The following KSR2 variants were observed in gnomAD, a reference collection of about 807,000 sequenced individuals.
KSR2 encodes kinase suppressor of ras 2.
KSR2 carries 25 observed loss-of-function variants against 107.8 expected under a neutral mutation model. The observed-to-expected ratio is 0.23, with a 90% CI of 0.17 to 0.32. KSR2 has a LOEUF of 0.32. Among genes scored for constraint, KSR2 ranks in the 10% least tolerant of loss-of-function variants. The pLI is 1.00. For missense variants in KSR2, 887 were observed against 1,268.9 expected, an observed-to-expected ratio of 0.70 and a Z score of 4.57; for synonymous variants, 480 against 507.0, an observed-to-expected ratio of 0.95 and a Z score of 0.71.
At chr12:117,929,657 A>G (rs1325384023) in intron 1 of KSR2, among the ~76,000 whole-genome samples, 2 of 152,244 alleles carry the variant, frequency 1.3e-5, no homozygotes, top group African/African-American at 4.8e-5. Context: ...GTATCTATAC[A>G]ATGGAATATT....
intron 3 of KSR2, among the ~76,000 whole-genome samples, chr12:117,800,174 G>A (rs1394164438): frequency 6.6e-6 from 1 of 152,204 alleles, no homozygotes; most frequent in Non-Finnish European, 1.5e-5. Flanking sequence ...CTCTGGGCAG[G>A]GCCAGGAGGA....
chr12:117,951,324 C>T (rs1260344594), intron 1 of KSR2, among the ~76,000 whole-genome samples: 1 of 152,058 alleles, frequency 6.6e-6, no homozygotes, highest in Non-Finnish European at 1.5e-5. Flanking sequence ...ACTGCTTCTC[C>T]AAGTCAGATA....
chr12:117,903,854 T>C (rs1234209012), intron 1 of KSR2, among the ~76,000 whole-genome samples: 1 of 151,942 alleles, frequency 6.6e-6, no homozygotes, highest in Non-Finnish European at 1.5e-5. Context: ...AAAAAATTAG[T>C]TGGGCGTGAT....
rs528973771 is a variant in KSR2, at chr12:117,945,785, G to A, written c.180+22291C>T. ...TCATCCTCCCACAAGAAAGGACCAAGGCAATGAATTAATAGGTAAGCTTTG... is the reference window on the plus strand; with the variant it reads ...TCATCCTCCCACAAGAAAGGACCAAAGCAATGAATTAATAGGTAAGCTTTG... On this transcript the variant is annotated intron_variant, in intron 1 of 19. Transcript: ENST00000339824. Among the ~76,000 whole-genome samples the A allele has an allele frequency of 7.9e-5, 12 of 152,256 alleles. 1 individual carries two copies. In the South Asian group the frequency reaches 2.5e-3, roughly 32 times the overall value.
At position 117,761,382 on chromosome 12, in the gene KSR2, G is replaced by A. The variant is rs758592374; in HGVS notation, c.615C>T (p.Cys205=). The change falls in exon 4 of 20, where the codon TGC becomes TGT. Residue 205 remains cysteine, a synonymous_variant. Transcript: ENST00000339824. ...GGCTGGTGTGACAATAGTGCTGGACGCACTTGGACGGGACCCTGGGGCTCT... is the reference window on the plus strand; with the variant it reads ...GGCTGGTGTGACAATAGTGCTGGACACACTTGGACGGGACCCTGGGGCTCT... ...LSQSPRVPSK[C]VQHYCHTSPT... 8 of 1,604,476 alleles carry A rather than the reference G, an allele frequency of 5.0e-6. No individual in the cohort carries two copies. Among genetic ancestry groups the A allele is most frequent in the South Asian group, 3.3e-5 (3 of 90,296 alleles).
intron 5 of KSR2, among the ~76,000 whole-genome samples, chr12:117,666,919 C>T (rs562140552): frequency 1.6e-4 from 24 of 152,310 alleles, no homozygotes; most frequent in African/African-American, 5.8e-4. Context: ...CAAGTAATAA[C>T]CACCCTGTCT....
At chr12:117,644,200 GT>G (rs1215116036) in intron 5 of KSR2, among the ~76,000 whole-genome samples, 1 of 152,200 alleles carries the variant, frequency 6.6e-6, no homozygotes, top group Non-Finnish European at 1.5e-5. Flanking sequence ...TAATCAGTGT[GT>G]TAGTAAGCAG....
intron 5 of KSR2, among the ~76,000 whole-genome samples, chr12:117,583,924 G>T (rs1879843828): frequency 6.6e-6 from 1 of 152,222 alleles, no homozygotes; most frequent in South Asian, 2.1e-4. Context: ...CAATTGTTAT[G>T]GAGTGGCACT....
rs1896875549 is a variant in KSR2, at chr12:117,968,906, T to TGCTGCTGCC, written c.-660_-652dup. 3.9e-6 allele frequency: 1 copy of TGCTGCTGCC among 258,084 alleles called. No homozygotes were observed. Among genetic ancestry groups the TGCTGCTGCC allele is most frequent in the South Asian group, 3.5e-5 (1 of 28,770 alleles). The allele number at this position is 258,084 out of a possible 1,614,324, so 16.0% of individuals were successfully genotyped here. The stretch of plus-strand genomic sequence containing the variant: ...CTCCTCCCCGCGCTGCTGCTGCTGC[T>TGCTGCTGCC]GCTGCTGCCGCCGCCGGGCTCCGGG... On this transcript the variant is annotated 5_prime_UTR_variant, in exon 1 of 20. Coordinates refer to ENST00000339824, the MANE Select transcript of KSR2 (RefSeq NM_173598.6).
intron 1 of KSR2, among the ~76,000 whole-genome samples, chr12:117,938,030 A>C (rs1895898797): frequency 6.7e-6 from 1 of 150,210 alleles, no homozygotes; most frequent in South Asian, 2.1e-4. Context: ...GTTGGACTTC[A>C]TTTGGTTCCT....
At chr12:117,954,089 C>CA (rs147681803) in intron 1 of KSR2, among the ~76,000 whole-genome samples, 6,087 of 140,952 alleles carry the variant, frequency 0.043, 406 homozygotes, top group African/African-American at 0.15. Flanking sequence ...GACCCTGTCT[C>CA]AAAAAAAAAA....
At chr12:117,560,802 A>G (rs1478504316) in intron 7 of KSR2, among the ~76,000 whole-genome samples, 1 of 152,078 alleles carries the variant, frequency 6.6e-6, no homozygotes, top group Non-Finnish European at 1.5e-5. Context: ...AGACCCTGAG[A>G]TCTGATAGTT....
intron 1 of KSR2, among the ~76,000 whole-genome samples, chr12:117,900,992 G>A (rs1368696351): frequency 6.6e-6 from 1 of 152,146 alleles, no homozygotes; most frequent in East Asian, 1.9e-4. Context: ...TCCCAGCAGA[G>A]AACCTGGTGG....
intron 1 of KSR2, among the ~76,000 whole-genome samples, chr12:117,861,944 G>C (rs1893311352): frequency 6.6e-6 from 1 of 152,120 alleles, no homozygotes; most frequent in African/African-American, 2.4e-5. Flanking sequence ...CTGTGTGTCT[G>C]AGCAGAGAAA....
chr12:117,816,722 T>C (rs1891383700), intron 3 of KSR2, among the ~76,000 whole-genome samples: 1 of 152,182 alleles, frequency 6.6e-6, no homozygotes, highest in African/African-American at 2.4e-5. Flanking sequence ...TGACCCAGGC[T>C]AACAGCTGCG....
At chr12:117,574,429 G>A (rs144974487) in intron 7 of KSR2, among the ~76,000 whole-genome samples, 1,973 of 152,212 alleles carry the variant, frequency 0.013, 38 homozygotes, top group African/African-American at 0.044. Flanking sequence ...GAAGTTTAAC[G>A]GACTCACAGT....
intron 5 of KSR2, among the ~76,000 whole-genome samples, chr12:117,591,953 G>A (rs1188396803): frequency 2.0e-5 from 3 of 151,730 alleles, no homozygotes; most frequent in Non-Finnish European, 4.4e-5. Context: ...AGGTTGCAGT[G>A]AGCTGAGATT....
intron 14 of KSR2, among the ~76,000 whole-genome samples, chr12:117,489,658 C>T (rs1872647089): frequency 6.6e-6 from 1 of 151,994 alleles, no homozygotes; most frequent in Non-Finnish European, 1.5e-5. Flanking sequence ...CCCAAGGTAT[C>T]CTTTTCTAAA....
rs891836448 is a variant in KSR2, at chr12:117,897,740, C to T, written c.181-37309G>A. On this transcript the variant is annotated intron_variant, in intron 1 of 19. Transcript: ENST00000339824. The surrounding 1 kb of genome is among the most constrained non-coding windows in gnomAD (Gnocchi z 4.5). ...TGCAAGGCTAAGAAACCTGCTGATC[C>T]GAGAACCTGAATGCAGCAGAAACCA... 1.2e-4 allele frequency among the ~76,000 whole-genome samples: 18 copies of T among 151,916 alleles called. No homozygotes were observed. The highest frequency in any genetic ancestry group is 4.4e-5 in the Non-Finnish European group (3 of 68,016).
Sources: gnomAD v4.1 joint callset for allele counts (sites outside exome capture counted in the v4.1 genomes callset) on GRCh38, gnomAD v4.1.1 for gene constraint, Gnocchi (gnomAD v3.1) non-coding constraint, MANE v1.5 for transcripts, NCBI Gene and HGNC (gene_info 2026-07-23, HGNC 2026-07-21) for gene names.